The following ENPP1 variants were observed in gnomAD, a reference collection of about 807,000 sequenced individuals.
ENPP1 encodes the protein ectonucleotide pyrophosphatase/phosphodiesterase family member 1.
Under a neutral mutation model 122.8 loss-of-function variants are expected in ENPP1, and 73 were observed. The observed-to-expected ratio is 0.59, with a 90% confidence interval of 0.49 to 0.72. ENPP1 has a LOEUF of 0.72. ENPP1 is among the 30% of genes least tolerant of loss of function. ENPP1 has a pLI of 0.00. For synonymous variants in ENPP1, 367 were observed against 391.6 expected, an observed-to-expected ratio of 0.94 and a Z score of 0.74; for missense variants, 978 against 1,128.1, an observed-to-expected ratio of 0.87 and a Z score of 1.91.
At chr6:131,854,816 AC>A in intron 5 of ENPP1, 109 bp from the exon 6 acceptor site, 1 of 777,326 alleles carries the variant, frequency 1.3e-6, no homozygotes, top group African/African-American at 1.7e-5. Flanking sequence ...GATCACACAG[AC>A]CTTAGTGGAA....
In ENPP1 at chr6:131,891,833, A is replaced by C. The variant is rs916340902; in HGVS notation, c.*1322A>C. 4.2e-5 allele frequency: 6 copies of C among 143,892 alleles called. No individual in the cohort carries two copies. The highest frequency in any genetic ancestry group is 1.6e-4 in the African/African-American group (6 of 38,560). The allele number at this position is 143,892 out of a possible 1,614,324, so 8.9% of individuals were successfully genotyped here. Reference sequence around the variant, plus strand: ...TTCAGCCTGCTTCTCTCTGTTGTTCAGATTAGGTAATTTTATTCTTCTGTC... The same window carrying C: ...TTCAGCCTGCTTCTCTCTGTTGTTCCGATTAGGTAATTTTATTCTTCTGTC... On this transcript the variant is annotated 3_prime_UTR_variant, in exon 25 of 25. Transcript: ENST00000647893.
chr6:131,827,865 G>A (rs1445905518), intron 1 of ENPP1: 12 of 1,407,142 alleles, frequency 8.5e-6, no homozygotes, highest in African/African-American at 4.3e-5. Flanking sequence ...TCTTGGACTC[G>A]GAGAGTTTCA....
intron 23 of ENPP1, among the ~76,000 whole-genome samples, chr6:131,885,776 C>A (rs138400621): frequency 1.3e-4 from 20 of 152,282 alleles, no homozygotes; most frequent in Admixed American, 5.9e-4. Context: ...GAAAGCACAT[C>A]AATTTGCAAA....
intron 1 of ENPP1, chr6:131,828,235 A>C: frequency 1.8e-6 from 1 of 559,730 alleles, no homozygotes; most frequent in South Asian, 1.4e-5. Flanking sequence ...TGATTGTCAA[A>C]TTCCACTTTG....
intron 4 of ENPP1, 55 bp from the exon 5 acceptor site, chr6:131,852,120 C>T: frequency 8.6e-7 from 1 of 1,163,960 alleles, no homozygotes; most frequent in South Asian, 1.2e-5. Context: ...TCACAAGCAT[C>T]ACAATTATTA....
intron 23 of ENPP1, 83 bp from the exon 24 acceptor site, chr6:131,886,479 A>G: frequency 1.9e-6 from 2 of 1,035,614 alleles, no homozygotes; most frequent in Non-Finnish European, 2.9e-6. Context: ...TTTTATATGT[A>G]TTAAAAGCAT....
At chr6:131,834,451 T>C (rs1781648969) in intron 1 of ENPP1, among the ~76,000 whole-genome samples, 1 of 152,024 alleles carries the variant, frequency 6.6e-6, no homozygotes, top group Non-Finnish European at 1.5e-5. Context: ...TACAGGAGCA[T>C]CTCAAGACAA....
intron 1 of ENPP1, among the ~76,000 whole-genome samples, chr6:131,836,806 A>G (rs988294131): frequency 2.0e-5 from 3 of 152,192 alleles, no homozygotes; most frequent in African/African-American, 7.2e-5. Flanking sequence ...TTTAAAGCCA[A>G]TATTCTTCCT....
Position 131,884,966 on chromosome 6 carries a change from A to C in ENPP1, c.2347A>C (p.Lys783Gln). The C allele has an allele frequency of 6.2e-7, 1 of 1,614,074 alleles. No individual in the cohort carries two copies. The highest frequency in any genetic ancestry group is 8.5e-7 in the Non-Finnish European group (1 of 1,179,940). ...WRYFHDTLLR[K>Q]YAEERNGVNV... ...CTACTTTCATGACACCCTACTGCGA[A>C]AGTATGCTGAAGAAAGAAATGGTGT... is the stretch of plus-strand genomic sequence containing the variant. The change falls in exon 23 of 25, where the codon AAG becomes CAG. Residue 783 changes from lysine to glutamine, a missense_variant. By Grantham distance (53) the Lys-to-Gln change is moderately conservative. Around this residue, in one of 3 missense-constraint regions of ENPP1, gnomAD observed 644 missense variants for 781.5 expected, o/e 0.82. Coordinates refer to ENST00000647893, the MANE Select transcript of ENPP1 (RefSeq NM_006208.3).
At position 131,893,963 on chromosome 6, in the gene ENPP1, T is replaced by C. The variant is rs1317968874; in HGVS notation, c.*3452T>C. 7.8e-6 allele frequency: 1 copy of C among 127,546 alleles called. No homozygotes were observed. Among genetic ancestry groups the C allele is most frequent in the Non-Finnish European group, 1.7e-5 (1 of 60,252 alleles). The allele number at this position is 127,546 out of a possible 1,614,324, so 7.9% of individuals were successfully genotyped here. A position where few individuals can be genotyped will look rare whatever the true frequency, so the allele number is the denominator to read the frequency against. On this transcript the variant is annotated 3_prime_UTR_variant, in exon 25 of 25. Coordinates refer to ENST00000647893, the MANE Select transcript of ENPP1 (RefSeq NM_006208.3). ...TATCTTGATTTCTTTTTTTTTTTTT[T>C]TTTTTTTTTTTTTTTTGAGATGCTC...
rs1781927419 is a variant in ENPP1 at position 131,854,996 on chromosome 6, G to A, written c.688G>A (p.Gly230Arg). The change falls in exon 6 of 25, where the codon GGA (glycine) becomes AGA (arginine). Residue 230 changes from glycine to arginine, a missense_variant. Coordinates refer to ENST00000647893, the MANE Select transcript of ENPP1 (RefSeq NM_006208.3). Reference sequence around the variant, plus strand: ...GGCAGAATATTTACACACTTGGGGTGGACTTCTTCCTGTTATTAGCAAACT... The same window carrying A: ...GGCAGAATATTTACACACTTGGGGTAGACTTCTTCCTGTTATTAGCAAACT... ...FRAEYLHTWG[G>R]LLPVISKLKK... 1 of 1,612,718 alleles carries A rather than the reference G, an allele frequency of 6.2e-7. No individual in the cohort carries two copies. Among genetic ancestry groups the A allele is most frequent in the Non-Finnish European group, 8.5e-7 (1 of 1,178,904 alleles).
Position 131,854,998 on chromosome 6 carries a change from ACTTCTTC to A in ENPP1, c.693_699del (p.Pro233LeufsTer4). ...CAGAATATTTACACACTTGGGGTGG[ACTTCTTC>A]CTGTTATTAGCAAACTAAGTGAGTA... On this transcript the variant is annotated frameshift_variant, in exon 6 of 25. Coordinates refer to ENST00000647893, the MANE Select transcript of ENPP1 (RefSeq NM_006208.3). LOFTEE classifies it high-confidence loss of function. 1 of 1,612,400 alleles carries A rather than the reference ACTTCTTC, an allele frequency of 6.2e-7. No homozygotes were observed. The highest frequency in any genetic ancestry group is 1.1e-5 in the South Asian group (1 of 91,056).
chr6:131,842,614 C>A (rs918964434), intron 1 of ENPP1, among the ~76,000 whole-genome samples: 1 of 152,050 alleles, frequency 6.6e-6, no homozygotes, highest in Admixed American at 6.6e-5. Flanking sequence ...CTTTTGAAAC[C>A]CTTTTCTTCT....
At chr6:131,831,014 G>A (rs951013560) in intron 1 of ENPP1, among the ~76,000 whole-genome samples, 1 of 149,210 alleles carries the variant, frequency 6.7e-6, no homozygotes, top group Non-Finnish European at 1.5e-5. Context: ...TCGAGAGGCT[G>A]AGATGGGAGG....
chr6:131,886,690 TG>T lies in ENPP1; in HGVS notation c.2574del (p.Leu858PhefsTer25). 6.2e-7 allele frequency: 1 copy of T among 1,614,118 alleles called. No homozygotes were observed. Among genetic ancestry groups the T allele is most frequent in the Non-Finnish European group, 8.5e-7 (1 of 1,179,990 alleles). ...CENLDTLAFI[L>X]PHRTDNSESC... ...AACCTAGACACCTTAGCTTTCATTT[TG>T]CCTCACAGGACTGATAACAGCGAGA... On this transcript the variant is annotated frameshift_variant, in exon 24 of 25. Transcript: ENST00000647893. LOFTEE classifies it high-confidence loss of function.
At chr6:131,843,113 TATG>T (rs1781762269) in intron 1 of ENPP1, among the ~76,000 whole-genome samples, 1 of 152,204 alleles carries the variant, frequency 6.6e-6, no homozygotes, top group Admixed American at 6.5e-5. Flanking sequence ...GATGGTAGAT[TATG>T]ATATTGATGA....
At chr6:131,857,547 A>G (rs2114698981) in intron 6 of ENPP1, among the ~76,000 whole-genome samples, 1 of 150,416 alleles carries the variant, frequency 6.6e-6, no homozygotes, top group South Asian at 2.1e-4. Flanking sequence ...AACTATCGCA[A>G]GAACAAAAAA....
intron 1 of ENPP1, among the ~76,000 whole-genome samples, chr6:131,823,289 T>G (rs1183060275): frequency 1.3e-5 from 2 of 152,198 alleles, no homozygotes; most frequent in African/African-American, 4.8e-5. Context: ...ATCTGTTGGC[T>G]TGGGAGTGTC....
At chr6:131,813,583 A>G (rs1256784523) in intron 1 of ENPP1, among the ~76,000 whole-genome samples, 1 of 151,788 alleles carries the variant, frequency 6.6e-6, no homozygotes, top group Non-Finnish European at 1.5e-5. Flanking sequence ...AGCAAAATTG[A>G]TGGGTGTGCA....
Sources: allele counts gnomAD v4.1 joint callset (sites outside exome capture counted in the v4.1 genomes callset), GRCh38; gene constraint gnomAD v4.1.1; regional missense constraint gnomAD v4.1.1; transcripts MANE v1.5; gene names NCBI Gene and HGNC (gene_info 2026-07-23, HGNC 2026-07-21).